Variants in HIPK2 observed in about 807,000 individuals in gnomAD.
HIPK2 encodes homeodomain-interacting protein kinase 2.
Under a neutral mutation model 113.7 loss-of-function variants are expected in HIPK2, and 27 were observed. That is an observed-to-expected ratio of 0.24 (90% CI 0.17 to 0.33). HIPK2 has a LOEUF of 0.33. Among genes scored for constraint, HIPK2 ranks in the 10% least tolerant of loss-of-function variants. The pLI, the probability that HIPK2 is intolerant of heterozygous loss-of-function variation, is 1.00. For synonymous variants in HIPK2, 631 were observed against 642.2 expected, an observed-to-expected ratio of 0.98 and a Z score of 0.26; for missense variants, 1,257 against 1,588.0, an observed-to-expected ratio of 0.79 and a Z score of 3.54.
intron 2 of HIPK2, among the ~76,000 whole-genome samples, chr7:139,671,764 C>A (rs559607897): frequency 9.1e-4 from 139 of 152,286 alleles, no homozygotes; most frequent in African/African-American, 3.2e-3. Flanking sequence ...GTTGGCCAGG[C>A]TGGTCTCGAA....
chr7:139,683,919 T>A lies in HIPK2; in HGVS notation c.1103+32013A>T, dbSNP rs1794139077. Among the ~76,000 whole-genome samples the A allele has an allele frequency of 6.6e-6, 1 of 151,978 alleles. No homozygotes were observed. Among genetic ancestry groups the A allele is most frequent in the African/African-American group, 2.4e-5 (1 of 41,392 alleles). On this transcript the variant is annotated intron_variant, in intron 2 of 14. Transcript: ENST00000406875. This position sits in a 1 kb window ranked among gnomAD's most constrained non-coding sequence, Gnocchi z 4.2. Reference sequence around the variant, plus strand: ...ATATATAGAGAGACATACCTCATTATATTGCCCCTAGCTTGACTGAGCTTT... The same window carrying A: ...ATATATAGAGAGACATACCTCATTAAATTGCCCCTAGCTTGACTGAGCTTT...
At chr7:139,694,625 C>T (rs1794513386) in intron 2 of HIPK2, among the ~76,000 whole-genome samples, 1 of 152,168 alleles carries the variant, frequency 6.6e-6, no homozygotes, top group African/African-American at 2.4e-5. Context: ...TCCCTGGTGG[C>T]CTGATCATTC....
chr7:139,761,422 G>A (rs1218727640), intron 1 of HIPK2, among the ~76,000 whole-genome samples: 1 of 152,210 alleles, frequency 6.6e-6, no homozygotes, highest in Non-Finnish European at 1.5e-5. Context: ...GTCAATCTCA[G>A]CATCCCCAGT....
At chr7:139,591,624 C>T (rs988407727) in intron 12 of HIPK2, among the ~76,000 whole-genome samples, 1 of 152,238 alleles carries the variant, frequency 6.6e-6, no homozygotes, top group South Asian at 2.1e-4. Context: ...AGCCACTCTA[C>T]TCAGCCCACT....
intron 1 of HIPK2, among the ~76,000 whole-genome samples, chr7:139,732,721 T>C (rs923319908): frequency 4.7e-5 from 7 of 150,124 alleles, no homozygotes; most frequent in Non-Finnish European, 7.4e-5. Flanking sequence ...ATAGGGTCCT[T>C]GTGAGGAGTA....
chr7:139,664,067 T>C (rs1343125578), intron 2 of HIPK2, among the ~76,000 whole-genome samples: 2 of 152,218 alleles, frequency 1.3e-5, no homozygotes, highest in Non-Finnish European at 2.9e-5. Context: ...TCACACTTGG[T>C]CATCTCGCTT....
chr7:139,654,769 G>C (rs973747869), intron 2 of HIPK2, among the ~76,000 whole-genome samples: 3 of 152,168 alleles, frequency 2.0e-5, no homozygotes, highest in Non-Finnish European at 4.4e-5. Flanking sequence ...GAGTGCTTAA[G>C]AAGAGGCCTG....
chr7:139,570,670 A>G lies in HIPK2; in HGVS notation c.*2257T>C, dbSNP rs993071320. 1 of 152,374 alleles carries G rather than the reference A, an allele frequency of 6.6e-6. No homozygotes were observed. Among genetic ancestry groups the G allele is most frequent in the African/African-American group, 2.4e-5 (1 of 41,452 alleles). 9.4% of individuals were successfully genotyped at this position (152,374 alleles called of 1,614,324 possible). On this transcript the variant is annotated 3_prime_UTR_variant, in exon 15 of 15. Transcript: ENST00000406875. ...CGACTTCGTTACTGAGTTAGGTTGG[A>G]TATCACTACAAACACACCTTTCACA...
chr7:139,598,350 A>C (rs1436740492), intron 11 of HIPK2, among the ~76,000 whole-genome samples: 2 of 152,248 alleles, frequency 1.3e-5, no homozygotes. Flanking sequence ...CTAGTGCCAG[A>C]TACATTGCTT....
intron 9 of HIPK2, among the ~76,000 whole-genome samples, chr7:139,610,569 A>G (rs570657699): frequency 2.4e-4 from 37 of 152,266 alleles, no homozygotes; most frequent in African/African-American, 3.4e-4. Context: ...CAAACTTTCA[A>G]TAAGACAAAA....
chr7:139,692,514 G>A (rs533817763), intron 2 of HIPK2, among the ~76,000 whole-genome samples: 2 of 152,194 alleles, frequency 1.3e-5, no homozygotes, highest in Non-Finnish European at 2.9e-5. Context: ...TGTGTACAGA[G>A]AGGGGTGACC....
At position 139,613,125 on chromosome 7, in the gene HIPK2, T is replaced by C. The variant is rs562706834; in HGVS notation, c.2112+77A>G. On this transcript the variant is annotated intron_variant, in intron 9 of 14. Transcript: ENST00000406875. This position sits in a 1 kb window ranked among gnomAD's most constrained non-coding sequence, Gnocchi z 4.2. ...AACTCATTACTAGGGAGAGAGGGAG[T>C]GGAGATATATATCTTTTGTGAACAA... 7.1e-5 allele frequency: 110 copies of C among 1,539,458 alleles called. 1 individual carries two copies. The African/African-American group carries it at 1.4e-3, about 19-fold the overall frequency.
At position 139,635,549 on chromosome 7, in the gene HIPK2, C is replaced by T. The variant is rs572181045; in HGVS notation, c.1104-3824G>A. Among the ~76,000 whole-genome samples the T allele has an allele frequency of 2.8e-4, 42 of 152,224 alleles. No individual in the cohort carries two copies. The South Asian group carries it at 5.6e-3, about 20-fold the overall frequency. On this transcript the variant is annotated intron_variant, in intron 2 of 14. Transcript: ENST00000406875. ...GACGACTGACGTGACATGAACGGGGCCTGGGAAAATTGCTTGTAGTCCACC... is the reference window on the plus strand; with the variant it reads ...GACGACTGACGTGACATGAACGGGGTCTGGGAAAATTGCTTGTAGTCCACC...
chr7:139,607,446 G>A (rs923118591), intron 9 of HIPK2, among the ~76,000 whole-genome samples: 1 of 152,150 alleles, frequency 6.6e-6, no homozygotes, highest in African/African-American at 2.4e-5. Flanking sequence ...GTCGCTTTCA[G>A]AGAAAGAAAA....
At chr7:139,581,018 G>A (rs1293975731) in intron 13 of HIPK2, among the ~76,000 whole-genome samples, 2 of 152,074 alleles carry the variant, frequency 1.3e-5, no homozygotes, top group Admixed American at 6.5e-5. Context: ...TCAGGAGTTC[G>A]AGACCAGCCT....
intron 2 of HIPK2, among the ~76,000 whole-genome samples, chr7:139,709,781 T>G (rs77291790): frequency 0.024 from 3,633 of 152,330 alleles, 128 homozygotes; most frequent in African/African-American, 0.082. Context: ...AGCCTATTTC[T>G]TTATAGCAGT....
chr7:139,613,160 A>C lies in HIPK2; in HGVS notation c.2112+42T>G, dbSNP rs548575485. On this transcript the variant is annotated intron_variant, in intron 9 of 14. Coordinates refer to ENST00000406875, the MANE Select transcript of HIPK2 (RefSeq NM_022740.5). This position sits in a 1 kb window ranked among gnomAD's most constrained non-coding sequence, Gnocchi z 4.2. Reference sequence around the variant, plus strand: ...TATCTTTTGTGAACAACATTAACACAGGTAATGGTAATACCAGTAATAATA... The same window carrying C: ...TATCTTTTGTGAACAACATTAACACCGGTAATGGTAATACCAGTAATAATA... The C allele has an allele frequency of 3.1e-6, 5 of 1,608,564 alleles. No individual in the cohort carries two copies. The African/African-American group carries it at 6.7e-5, about 21-fold the overall frequency.
chr7:139,667,779 G>A (rs756246157), intron 2 of HIPK2, among the ~76,000 whole-genome samples: 43 of 152,284 alleles, frequency 2.8e-4, no homozygotes, highest in Admixed American at 1.4e-3. Flanking sequence ...GTGTTAAGTA[G>A]TAAATATATT....
intron 1 of HIPK2, chr7:139,777,031 G>A (rs1389977997): frequency 6.6e-6 from 1 of 152,258 alleles, no homozygotes; most frequent in Admixed American, 6.5e-5. Flanking sequence ...CGCTAATGAG[G>A]GGAGATTTTC....
Sources: allele counts gnomAD v4.1 joint callset (sites outside exome capture counted in the v4.1 genomes callset), GRCh38; gene constraint gnomAD v4.1.1; non-coding constraint Gnocchi (gnomAD v3.1); transcripts MANE v1.5; gene names NCBI Gene and HGNC (gene_info 2026-07-23, HGNC 2026-07-21).